The following OR2L13 variants were observed in gnomAD, a reference collection of about 807,000 sequenced individuals.
OR2L13 encodes the protein olfactory receptor 2L13.
A neutral mutation model predicts 15.3 loss-of-function variants in OR2L13; 14 were observed. The observed-to-expected ratio is 0.91, with a 90% CI of 0.60 to 1.43. The LOEUF (loss-of-function observed/expected upper bound fraction) is 1.43, where lower values mean the gene tolerates loss of function less well. Among genes scored for constraint, OR2L13 ranks in the 40% most tolerant of loss-of-function variants. OR2L13 has a pLI of 0.00. For synonymous variants in OR2L13, 152 were observed against 142.9 expected (o/e 1.06, Z -0.45); for missense variants, 367 against 387.9 (o/e 0.95, Z 0.45).
At chr1:247,964,253 G>A in the OR2L13 span, among the ~76,000 whole-genome samples, 1 of 152,066 alleles carries the variant, frequency 6.6e-6, no homozygotes, top group Non-Finnish European at 1.5e-5. Context: ...TTACTGCAGT[G>A]TGTTTAGCCA....
the OR2L13 span, among the ~76,000 whole-genome samples, chr1:248,011,761 GTT>G: frequency 6.6e-6 from 1 of 152,104 alleles, no homozygotes; most frequent in Non-Finnish European, 1.5e-5. Context: ...AATTTCTGCT[GTT>G]TTGGCATTTT....
chr1:248,061,779 A>G, the OR2L13 span: 4 of 601,848 alleles, frequency 6.6e-6, no homozygotes, highest in African/African-American at 1.8e-5. Flanking sequence ...TTACATATAT[A>G]TGTATATATA....
At chr1:247,949,494 A>G in the OR2L13 span, 1 of 1,613,214 alleles carries the variant, frequency 6.2e-7, no homozygotes. Flanking sequence ...CTTCATTGGT[A>G]TTTCATGTTC....
the OR2L13 span, among the ~76,000 whole-genome samples, chr1:247,977,595 C>T: frequency 3.9e-4 from 60 of 152,146 alleles, no homozygotes; most frequent in Non-Finnish European, 7.1e-4. Context: ...TAGCCAAAAG[C>T]ATAAACTTTT....
the OR2L13 span, among the ~76,000 whole-genome samples, chr1:247,972,842 A>G: frequency 1.3e-5 from 2 of 152,212 alleles, no homozygotes; most frequent in Non-Finnish European, 2.9e-5. Flanking sequence ...ATTTCAAGCC[A>G]ATATCCCCAA....
chr1:248,037,538 T>C, the OR2L13 span, among the ~76,000 whole-genome samples: 28 of 152,330 alleles, frequency 1.8e-4, no homozygotes, highest in Non-Finnish European at 3.8e-4. Context: ...TAAATGTATA[T>C]ATTTCTTAGA....
chr1:248,060,764 T>A, the OR2L13 span: 1 of 1,614,116 alleles, frequency 6.2e-7, no homozygotes, highest in Non-Finnish European at 8.5e-7. Flanking sequence ...TTCCTCTTCA[T>A]CCTCATTGTT....
the OR2L13 span, among the ~76,000 whole-genome samples, chr1:247,977,430 A>G: frequency 6.6e-6 from 1 of 152,324 alleles, no homozygotes; most frequent in East Asian, 1.9e-4. Flanking sequence ...GCAGAATCCC[A>G]TCCATATCTA....
At chr1:247,968,525 T>A in the OR2L13 span, among the ~76,000 whole-genome samples, 7 of 94,244 alleles carry the variant, frequency 7.4e-5, no homozygotes, top group African/African-American at 2.7e-4. Flanking sequence ...CCCAGGTGAG[T>A]GATGTTCCCC....
the OR2L13 span, chr1:247,949,401 G>A: frequency 1.1e-3 from 1,695 of 1,614,124 alleles, 16 homozygotes; most frequent in African/African-American, 0.02. Flanking sequence ...TGATGTCCCA[G>A]CAATGGTGAC....
At chr1:247,941,063 C>T in the OR2L13 span, among the ~76,000 whole-genome samples, 1 of 151,964 alleles carries the variant, frequency 6.6e-6, no homozygotes, top group Non-Finnish European at 1.5e-5. Context: ...AGAGATGTGT[C>T]TGTTCATGTA....
chr1:248,022,769 T>A, the OR2L13 span: 8 of 1,614,084 alleles, frequency 5.0e-6, no homozygotes, highest in Non-Finnish European at 6.8e-6. Flanking sequence ...AGGTTCTGGC[T>A]GTTTTCTACA....
the OR2L13 span, among the ~76,000 whole-genome samples, chr1:248,033,240 T>G: frequency 3.0e-3 from 462 of 152,306 alleles, 2 homozygotes; most frequent in Non-Finnish European, 4.4e-3. Context: ...TGATTTATTT[T>G]GACTTAATTT....
the OR2L13 span, among the ~76,000 whole-genome samples, chr1:247,955,287 T>C: frequency 1.3e-5 from 2 of 152,170 alleles, no homozygotes; most frequent in Admixed American, 6.5e-5. Context: ...CTCATCTTTT[T>C]TTATGGCTGC....
the OR2L13 span, among the ~76,000 whole-genome samples, chr1:248,029,556 C>G: frequency 3.3e-5 from 5 of 151,980 alleles, no homozygotes; most frequent in Non-Finnish European, 7.4e-5. Flanking sequence ...TGAGCATTTC[C>G]AAATACAAAG....
At chr1:247,995,634 A>G in the OR2L13 span, among the ~76,000 whole-genome samples, 21 of 152,198 alleles carry the variant, frequency 1.4e-4, no homozygotes, top group Non-Finnish European at 1.3e-4. Context: ...TTTACTATAC[A>G]TATGTCTATT....
the OR2L13 span, chr1:247,939,597 C>A: frequency 6.6e-6 from 1 of 152,084 alleles, no homozygotes; most frequent in Non-Finnish European, 1.5e-5. Context: ...TGCTCTAGAG[C>A]AACATTCTAC....
the OR2L13 span, among the ~76,000 whole-genome samples, chr1:248,080,031 T>A: frequency 6.6e-6 from 1 of 152,028 alleles, no homozygotes. Flanking sequence ...TCCCCACCAA[T>A]ATGTTAGAAT....
chr1:247,981,629 A>T, the OR2L13 span, among the ~76,000 whole-genome samples: 1 of 152,236 alleles, frequency 6.6e-6, no homozygotes, highest in Non-Finnish European at 1.5e-5. Flanking sequence ...AGTATGTGGA[A>T]ACAATGTGAA....
Sources: gnomAD v4.1 joint callset for allele counts (sites outside exome capture counted in the v4.1 genomes callset) on GRCh38, gnomAD v4.1.1 for gene constraint, MANE v1.5 for transcripts, NCBI Gene and HGNC (gene_info 2026-07-23, HGNC 2026-07-21) for gene names.